Variants in GAK observed in about 807,000 individuals in gnomAD.
The protein encoded by GAK is cyclin-G-associated kinase.
Under a neutral mutation model 143.9 loss-of-function variants are expected in GAK, and 79 were observed. The ratio of observed to expected loss-of-function variants is 0.55; its 90% CI spans 0.46 to 0.66. The LOEUF (loss-of-function observed/expected upper bound fraction) is 0.66, where lower values mean the gene tolerates loss of function less well. GAK is among the 30% of genes least tolerant of loss of function. GAK has a pLI of 0.00. For synonymous variants in GAK, 881 were observed against 765.5 expected, an observed-to-expected ratio of 1.15 and a Z score of -2.49; for missense variants, 1,693 against 1,779.7, an observed-to-expected ratio of 0.95 and a Z score of 0.88.
intron 2 of GAK, 28 bp from the exon 3 acceptor site, chr4:912,822 G>T (rs965861785): frequency 3.7e-6 from 6 of 1,604,242 alleles, no homozygotes; most frequent in Non-Finnish European, 5.1e-6. Flanking sequence ...ACACACAAAA[G>T]ATGAAAGCAA....
At chr4:920,223 G>A (rs1723689763) in intron 1 of GAK, among the ~76,000 whole-genome samples, 1 of 151,356 alleles carries the variant, frequency 6.6e-6, no homozygotes. Context: ...CAGGAGAATG[G>A]CATGAACCCG....
In GAK at chr4:911,298, C is replaced by A. The variant is rs1350373289; in HGVS notation, c.382+375G>T. ...CTCATGGAAGGCCACCACGCTCCAC[C>A]CCACAGGGACCCCAGAGCCCTGAGA... On this transcript the variant is annotated intron_variant, in intron 4 of 27. Coordinates refer to ENST00000314167, the MANE Select transcript of GAK (RefSeq NM_005255.4). Among the ~76,000 whole-genome samples the A allele has an allele frequency of 2.0e-5, 3 of 152,174 alleles. No individual in the cohort carries two copies. In the East Asian group the frequency reaches 5.8e-4, roughly 29 times the overall value.
chr4:912,659 C>A (rs1200584417), intron 3 of GAK, 76 bp downstream of exon 3: 3 of 1,192,592 alleles, frequency 2.5e-6, no homozygotes, highest in Non-Finnish European at 3.6e-6. Flanking sequence ...CTCTTGGCCA[C>A]TGGCGGTCAC....
chr4:901,312 G>T (rs1378218393), intron 5 of GAK, among the ~76,000 whole-genome samples: 1 of 150,940 alleles, frequency 6.6e-6, no homozygotes, highest in African/African-American at 2.4e-5. Flanking sequence ...AGGGCACACG[G>T]GGAGAGCCAC....
chr4:910,803 C>G (rs934872900), intron 4 of GAK, among the ~76,000 whole-genome samples: 2 of 152,098 alleles, frequency 1.3e-5, no homozygotes, highest in Non-Finnish European at 2.9e-5. Flanking sequence ...CCGGCCAGGC[C>G]ACAGCTCTGA....
At chr4:902,220 G>A (rs1193536319) in intron 5 of GAK, among the ~76,000 whole-genome samples, 1 of 149,068 alleles carries the variant, frequency 6.7e-6, no homozygotes, top group African/African-American at 2.5e-5. Context: ...CTGGGCAACA[G>A]AGCAAGACTC....
At chr4:860,954 G>A (rs183058257) in intron 23 of GAK, among the ~76,000 whole-genome samples, 1 of 152,322 alleles carries the variant, frequency 6.6e-6, no homozygotes, top group East Asian at 1.9e-4. Context: ...CCCATTTTGG[G>A]AACTGTAATG....
intron 15 of GAK, among the ~76,000 whole-genome samples, chr4:878,695 G>C (rs1034787876): frequency 2.0e-5 from 3 of 152,168 alleles, no homozygotes; most frequent in Non-Finnish European, 4.4e-5. Flanking sequence ...ATCAGTTTTT[G>C]CCTGATGGAT....
intron 18 of GAK, among the ~76,000 whole-genome samples, chr4:874,225 GA>G (rs145474801): frequency 2.2e-4 from 34 of 152,310 alleles, no homozygotes; most frequent in African/African-American, 7.9e-4. Flanking sequence ...CCTGCTGTCA[GA>G]TATGTTACTA....
chr4:862,324 G>A (rs1249998347), intron 23 of GAK, among the ~76,000 whole-genome samples: 3 of 152,070 alleles, frequency 2.0e-5, no homozygotes, highest in Non-Finnish European at 2.9e-5. Context: ...GGCTGCACCC[G>A]CCAGACTCTC....
At chr4:924,565 G>T (rs533737924) in intron 1 of GAK, among the ~76,000 whole-genome samples, 1 of 151,814 alleles carries the variant, frequency 6.6e-6, no homozygotes, top group Non-Finnish European at 1.5e-5. Flanking sequence ...CATAACAGCG[G>T]ACACGGTTTG....
At chr4:884,965 C>T (rs186211412) in intron 11 of GAK, among the ~76,000 whole-genome samples, 15 of 152,076 alleles carry the variant, frequency 9.9e-5, no homozygotes, top group Admixed American at 7.2e-4. Flanking sequence ...TGCGTTCAAA[C>T]GTTTTAAAAG....
At chr4:866,557 G>A (rs1359810026) in intron 21 of GAK, 23 bp from the exon 22 acceptor site, 2 of 1,609,088 alleles carry the variant, frequency 1.2e-6, no homozygotes, top group African/African-American at 1.3e-5. Flanking sequence ...GCGGGCATGG[G>A]GAGGACTCAG....
At position 896,502 on chromosome 4, in the gene GAK, G is replaced by A; in HGVS notation, c.699C>T (p.Asp233=). 1 of 1,614,030 alleles carries A rather than the reference G, an allele frequency of 6.2e-7. No individual in the cohort carries two copies. Among genetic ancestry groups the A allele is most frequent in the Non-Finnish European group, 8.5e-7 (1 of 1,179,898 alleles). The change falls in exon 7 of 28, where the codon GAC becomes GAT. Residue 233 remains aspartate, a synonymous_variant. Coordinates refer to ENST00000314167, the MANE Select transcript of GAK (RefSeq NM_005255.4). ...TPMYRTPEII[D]LYSNFPIGEK... is the part of the protein sequence containing the mutation. ...CGCCGATCGGGAAGTTGGAATACAAGTCTATGATTTCTGGTGTTCTATACA... is the reference window on the plus strand; with the variant it reads ...CGCCGATCGGGAAGTTGGAATACAAATCTATGATTTCTGGTGTTCTATACA...
At chr4:863,468 C>T (rs886174753) in intron 23 of GAK, among the ~76,000 whole-genome samples, 1 of 152,150 alleles carries the variant, frequency 6.6e-6, no homozygotes, top group Non-Finnish European at 1.5e-5. Flanking sequence ...TGTGGGTAAA[C>T]GCTATCCAAG....
At position 888,914 on chromosome 4, in the gene GAK, C is replaced by G. The variant is rs779971344; in HGVS notation, c.1138G>C (p.Gly380Arg). Residue 380 changes from glycine (G) to arginine (R), a missense_variant, in exon 11 of 28, where the codon GGT becomes CGT. Physicochemically the swap from Gly to Arg is moderately radical, Grantham distance 125 (BLOSUM62 -2). This residue lies in a region of GAK where 871 missense variants were observed against 991.0 expected (regional missense o/e 0.88). Coordinates refer to ENST00000314167, the MANE Select transcript of GAK (RefSeq NM_005255.4). ...PYGGFLDILR[G>R]GTERLFTNLK... ...TTGGTGAAGAGCCGCTCTGTCCCAC[C>G]CCGCAGAATGTCCAGGAAGCCGCCA... The G allele has an allele frequency of 6.2e-7, 1 of 1,612,648 alleles. No homozygotes were observed. The highest frequency in any genetic ancestry group is 8.5e-7 in the Non-Finnish European group (1 of 1,179,724).
At position 877,707 on chromosome 4, in the gene GAK, G is replaced by C; in HGVS notation, c.1764C>G (p.Phe588Leu). 1 of 1,613,476 alleles carries C rather than the reference G, an allele frequency of 6.2e-7. No individual in the cohort carries two copies. The highest frequency in any genetic ancestry group is 2.2e-5 in the East Asian group (1 of 44,858). Residue 588 changes from phenylalanine to leucine, a missense_variant, in exon 16 of 28, where the codon TTC becomes TTG. This residue lies in a region of GAK where 871 missense variants were observed against 991.0 expected (regional missense o/e 0.88). Transcript: ENST00000314167. ...GCCTGCAGCCGCTCCTCTGCTTGCTGAACAGCGGCACGGGTGTCATGACCA... is the reference window on the plus strand; with the variant it reads ...GCCTGCAGCCGCTCCTCTGCTTGCTCAACAGCGGCACGGGTGTCATGACCA... ...RAVVMTPVPL[F>L]SKQRSGCRPF...
chr4:850,866 C>G, intron 26 of GAK, 70 bp downstream of exon 26: 1 of 1,533,124 alleles, frequency 6.5e-7, no homozygotes, highest in Non-Finnish European at 8.8e-7. Flanking sequence ...CTCCATAAGG[C>G]ACAGCAGATG....
At chr4:860,813 C>T (rs1183768246) in intron 23 of GAK, among the ~76,000 whole-genome samples, 1 of 152,172 alleles carries the variant, frequency 6.6e-6, no homozygotes, top group East Asian at 1.9e-4. Flanking sequence ...GGACGGGCAC[C>T]CAGGCCCTGG....
Sources: gnomAD v4.1 joint callset for allele counts (sites outside exome capture counted in the v4.1 genomes callset) on GRCh38, gnomAD v4.1.1 for gene constraint, gnomAD v4.1.1 regional missense constraint, MANE v1.5 for transcripts, NCBI Gene and HGNC (gene_info 2026-07-23, HGNC 2026-07-21) for gene names.